GPC6: variants seen among roughly 807,000 people sequenced by gnomAD.
The protein encoded by GPC6 is glypican 6, also known as glypican-6.
In GPC6, 14 loss-of-function variants were observed where a neutral mutation model predicts 55.2. The observed-to-expected ratio is 0.25, with a 90% CI of 0.17 to 0.40. GPC6 has a LOEUF of 0.40. Ranked by LOEUF, GPC6 falls within the 10% of genes least tolerant of loss-of-function variation. The probability of loss-of-function intolerance (pLI) is 1.00; values close to 1 mark genes in which losing one functional copy is unlikely to be tolerated. For missense variants in GPC6, 641 were observed against 708.5 expected, an observed-to-expected ratio of 0.90 and a Z score of 1.08; for synonymous variants, 278 against 259.6, an observed-to-expected ratio of 1.07 and a Z score of -0.68.
intron 1 of GPC6, among the ~76,000 whole-genome samples, chr13:93,537,130 C>T (rs1218356044): frequency 6.6e-6 from 1 of 152,142 alleles, no homozygotes; most frequent in Non-Finnish European, 1.5e-5. Context: ...ATATCTATGT[C>T]TCTTTTCCTC....
chr13:93,651,252 A>AT lies in GPC6; in HGVS notation c.319+105842dup, dbSNP rs75108970. Among the ~76,000 whole-genome samples the AT allele has an allele frequency of 8.1e-4, 120 of 148,420 alleles. 1 individual carries two copies. In the South Asian group the frequency reaches 8.3e-3, roughly 10 times the overall value. ...TCCAAAATACGGTTGGAATCTACCTATTTTTTTTTTTCATTTTTCATTTCG... is the reference window on the plus strand; with the variant it reads ...TCCAAAATACGGTTGGAATCTACCTATTTTTTTTTTTTCATTTTTCATTTCG... On this transcript the variant is annotated intron_variant, in intron 2 of 8. Transcript: ENST00000377047.
At chr13:94,096,244 G>A (rs2138818719) in intron 4 of GPC6, among the ~76,000 whole-genome samples, 1 of 151,284 alleles carries the variant, frequency 6.6e-6, no homozygotes, top group Non-Finnish European at 1.5e-5. Flanking sequence ...ACAATTTTTA[G>A]TATTACAGGA....
At chr13:93,239,072 G>T (rs1876341221) in intron 1 of GPC6, among the ~76,000 whole-genome samples, 1 of 151,892 alleles carries the variant, frequency 6.6e-6, no homozygotes, top group South Asian at 2.1e-4. Context: ...TGTCTTTCCT[G>T]ACTTGGGTAT....
At chr13:93,758,453 A>G (rs1366904035) in intron 2 of GPC6, among the ~76,000 whole-genome samples, 1 of 152,168 alleles carries the variant, frequency 6.6e-6, no homozygotes, top group African/African-American at 2.4e-5. Flanking sequence ...TCTCTGGGAT[A>G]TCTATGTATC....
At chr13:93,309,378 G>C (rs1488135995) in intron 1 of GPC6, among the ~76,000 whole-genome samples, 1 of 151,856 alleles carries the variant, frequency 6.6e-6, no homozygotes, top group African/African-American at 2.4e-5. Flanking sequence ...TTTTTGGTTA[G>C]CATGAATATA....
At chr13:93,676,043 G>A (rs1201691650) in intron 2 of GPC6, among the ~76,000 whole-genome samples, 1 of 149,338 alleles carries the variant, frequency 6.7e-6, no homozygotes, top group Non-Finnish European at 1.5e-5. Flanking sequence ...GGCCAAGGCA[G>A]GTGGATCACC....
chr13:94,375,302 G>A (rs1879789845), intron 6 of GPC6, among the ~76,000 whole-genome samples: 1 of 152,004 alleles, frequency 6.6e-6, no homozygotes, highest in Non-Finnish European at 1.5e-5. Flanking sequence ...TAGACTTCTA[G>A]CAAGACTAAT....
chr13:93,676,192 T>C (rs9556316), intron 2 of GPC6, among the ~76,000 whole-genome samples: 39,507 of 103,514 alleles, frequency 0.38, 7,113 homozygotes, highest in Middle Eastern at 0.58. Flanking sequence ...CACACACACA[T>C]ATATATGTAT....
chr13:93,636,440 C>T (rs1011084246), intron 2 of GPC6, among the ~76,000 whole-genome samples: 3 of 152,156 alleles, frequency 2.0e-5, no homozygotes, highest in East Asian at 1.9e-4. Context: ...AAGGAACTGT[C>T]GTAGAATGCA....
At chr13:93,354,826 G>A (rs1170931606) in intron 1 of GPC6, among the ~76,000 whole-genome samples, 1 of 152,154 alleles carries the variant, frequency 6.6e-6, no homozygotes, top group East Asian at 1.9e-4. Flanking sequence ...CCCACTTCAA[G>A]TGGGACAAAG....
intron 1 of GPC6, among the ~76,000 whole-genome samples, chr13:93,461,187 A>G (rs2139314805): frequency 6.6e-6 from 1 of 152,308 alleles, no homozygotes; most frequent in East Asian, 1.9e-4. Context: ...TAGAACATAT[A>G]GTAGTCTACA....
chr13:93,755,934 A>T (rs1272511528), intron 2 of GPC6, among the ~76,000 whole-genome samples: 1 of 152,170 alleles, frequency 6.6e-6, no homozygotes, highest in East Asian at 1.9e-4. Flanking sequence ...TGTAAGAGAG[A>T]TGTGCTGGAG....
chr13:93,583,855 C>A (rs1362137123), intron 2 of GPC6, among the ~76,000 whole-genome samples: 1 of 152,194 alleles, frequency 6.6e-6, no homozygotes, highest in South Asian at 2.1e-4. Context: ...ACTGATAGGG[C>A]AGTTTTGACA....
intron 1 of GPC6, among the ~76,000 whole-genome samples, chr13:93,425,689 G>A (rs563695076): frequency 6.6e-6 from 1 of 152,254 alleles, no homozygotes; most frequent in Admixed American, 6.5e-5. Context: ...TTCCTTTCTA[G>A]TGACTGATCT....
At chr13:93,394,685 C>T (rs1285718583) in intron 1 of GPC6, among the ~76,000 whole-genome samples, 1 of 152,172 alleles carries the variant, frequency 6.6e-6, no homozygotes. Flanking sequence ...GGTAGAAAAG[C>T]AAGTACTTGA....
intron 3 of GPC6, among the ~76,000 whole-genome samples, chr13:93,934,393 G>A (rs9589867): frequency 0.016 from 2,410 of 152,164 alleles, 74 homozygotes; most frequent in African/African-American, 0.055. Flanking sequence ...TGAATAAAAT[G>A]TATTATTAAA....
chr13:93,366,813 A>G (rs1357144828), intron 1 of GPC6, among the ~76,000 whole-genome samples: 3 of 152,038 alleles, frequency 2.0e-5, no homozygotes, highest in Non-Finnish European at 4.4e-5. Flanking sequence ...TGTCTCTCCT[A>G]TGGTTTTTTG....
rs1222870392 is a variant in GPC6 at position 94,406,488 on chromosome 13, A to G, written c.*3271A>G. On this transcript the variant is annotated 3_prime_UTR_variant, in exon 9 of 9. Coordinates refer to ENST00000377047, the MANE Select transcript of GPC6 (RefSeq NM_005708.5). ...TACAATGACTTACCTAGCTAGCATC[A>G]AGTAACTTGTATCACCTGCTTTAAA... is the stretch of plus-strand genomic sequence containing the variant. 2 of 152,164 alleles carry G rather than the reference A, an allele frequency of 1.3e-5. No homozygotes were observed. The highest frequency in any genetic ancestry group is 1.3e-4 in the Admixed American group (2 of 15,288). 9.4% of individuals were successfully genotyped at this position (152,164 alleles called of 1,614,324 possible).
At chr13:93,303,672 AT>A (rs974554333) in intron 1 of GPC6, among the ~76,000 whole-genome samples, 2 of 152,154 alleles carry the variant, frequency 1.3e-5, no homozygotes, top group Non-Finnish European at 2.9e-5. Flanking sequence ...ATTACATACA[AT>A]TTTTTTAAAT....
Sources: allele counts gnomAD v4.1 joint callset (sites outside exome capture counted in the v4.1 genomes callset), GRCh38; gene constraint gnomAD v4.1.1; transcripts MANE v1.5; gene names NCBI Gene and HGNC (gene_info 2026-07-23, HGNC 2026-07-21).